Variants in KCNU1 observed in about 807,000 individuals in gnomAD.
KCNU1 encodes potassium channel subfamily U member 1.
KCNU1 carries 93 observed loss-of-function variants against 126.8 expected under a neutral mutation model. That is an observed-to-expected ratio of 0.73 (90% CI 0.62 to 0.87). The LOEUF (loss-of-function observed/expected upper bound fraction) is 0.87, where lower values mean the gene tolerates loss of function less well. Among genes scored for constraint, KCNU1 ranks in the 40% least tolerant of loss-of-function variants. The pLI is 0.00. For synonymous variants in KCNU1, 523 were observed against 494.2 expected (o/e 1.06, Z -0.77); for missense variants, 1,330 against 1,367.1 (o/e 0.97, Z 0.43).
chr8:36,837,896 G>T (rs1385157650), intron 14 of KCNU1, among the ~76,000 whole-genome samples: 2 of 145,154 alleles, frequency 1.4e-5, no homozygotes, highest in Non-Finnish European at 3.1e-5. Context: ...ACCTCTCTTT[G>T]CTCGCTCTTT....
In KCNU1 at chr8:36,935,769, C is replaced by T. The variant is rs746125303; in HGVS notation, c.3299C>T (p.Ser1100Phe). 1 of 1,613,486 alleles carries T rather than the reference C, an allele frequency of 6.2e-7. No homozygotes were observed. The highest frequency in any genetic ancestry group is 1.7e-5 in the Admixed American group (1 of 59,958). ...YSYQPRTNSL[S>F]FPKQIAWNQS... ...TACCAGCCGAGAACTAACTCCCTCT[C>T]TTTTCCTAAGCAAATAGCATGGAAT... The change falls in exon 27 of 27, where the codon TCT becomes TTT. Residue 1100 changes from serine to phenylalanine, a missense_variant. Around this residue, in one of 3 missense-constraint regions of KCNU1, gnomAD observed 1,054 missense variants for 1,053.9 expected, o/e 1.00. Coordinates refer to ENST00000399881, the MANE Select transcript of KCNU1 (RefSeq NM_001031836.3).
intron 10 of KCNU1, among the ~76,000 whole-genome samples, chr8:36,831,977 A>G (rs1341628931): frequency 6.6e-6 from 1 of 152,200 alleles, no homozygotes. Flanking sequence ...CTTTCTACAT[A>G]TGGCTAGCCA....
At chr8:36,845,284 G>A (rs540777861) in intron 16 of KCNU1, among the ~76,000 whole-genome samples, 1 of 152,294 alleles carries the variant, frequency 6.6e-6, no homozygotes, top group South Asian at 2.1e-4. Context: ...CACCTGAGTT[G>A]GTCGGACCAT....
chr8:36,786,006 A>G (rs561000303), intron 1 of KCNU1, among the ~76,000 whole-genome samples: 1 of 152,202 alleles, frequency 6.6e-6, no homozygotes, highest in Admixed American at 6.5e-5. Flanking sequence ...TTGAATCTTG[A>G]GGAAAGAGTT....
intron 1 of KCNU1, among the ~76,000 whole-genome samples, chr8:36,785,782 G>A (rs1802691198): frequency 6.6e-6 from 1 of 152,058 alleles, no homozygotes. Flanking sequence ...TTCTGCTCCA[G>A]GCAATGTTCT....
chr8:36,884,758 A>C (rs893428916), intron 19 of KCNU1, among the ~76,000 whole-genome samples: 2 of 152,042 alleles, frequency 1.3e-5, no homozygotes, highest in Non-Finnish European at 2.9e-5. Context: ...AAAAATAAAA[A>C]ATAAAAATAA....
chr8:36,877,759 A>C (rs2117385728), intron 19 of KCNU1, among the ~76,000 whole-genome samples: 1 of 152,324 alleles, frequency 6.6e-6, no homozygotes, highest in Middle Eastern at 3.4e-3. Context: ...AAAAAATGAA[A>C]ATGTGAAATA....
intron 19 of KCNU1, among the ~76,000 whole-genome samples, chr8:36,892,091 T>C (rs1806984182): frequency 6.6e-6 from 1 of 152,160 alleles, no homozygotes; most frequent in Non-Finnish European, 1.5e-5. Flanking sequence ...ATTTTGTGTA[T>C]GTTGATACAC....
intron 19 of KCNU1, among the ~76,000 whole-genome samples, chr8:36,905,159 G>C (rs1023576516): frequency 3.3e-5 from 5 of 152,130 alleles, no homozygotes; most frequent in Non-Finnish European, 4.4e-5. Flanking sequence ...CTTAGATCAA[G>C]ATCAGAGCAA....
At chr8:36,886,127 T>C (rs1358370833) in intron 19 of KCNU1, among the ~76,000 whole-genome samples, 1 of 152,164 alleles carries the variant, frequency 6.6e-6, no homozygotes, top group Non-Finnish European at 1.5e-5. Flanking sequence ...AAGGAACAGA[T>C]TATTCAAGAA....
In KCNU1 at chr8:36,808,204, GC is replaced by G. The variant is rs551825705; in HGVS notation, c.657-510del. On this transcript the variant is annotated intron_variant, in intron 6 of 26. Coordinates refer to ENST00000399881, the MANE Select transcript of KCNU1 (RefSeq NM_001031836.3). ...CTAGGGCTCTCCTTAGGTGACAAGGGCCCCTCTGATCTTTCTTCACTTAAAG... is the reference window on the plus strand; with the variant it reads ...CTAGGGCTCTCCTTAGGTGACAAGGGCCCTCTGATCTTTCTTCACTTAAAG... 2.2e-3 allele frequency among the ~76,000 whole-genome samples: 336 copies of G among 152,202 alleles called. 1 individual carries two copies. The highest frequency in any genetic ancestry group is 7.7e-3 in the African/African-American group (318 of 41,540).
At chr8:36,858,246 A>G (rs892305499) in intron 18 of KCNU1, among the ~76,000 whole-genome samples, 1 of 151,730 alleles carries the variant, frequency 6.6e-6, no homozygotes, top group Non-Finnish European at 1.5e-5. Context: ...ACATACTGAA[A>G]TCCCTATTTC....
chr8:36,800,295 CCCCA>C (rs1803255690), intron 2 of KCNU1, among the ~76,000 whole-genome samples: 1 of 152,098 alleles, frequency 6.6e-6, no homozygotes, highest in South Asian at 2.1e-4. Context: ...TCTGAAGACC[CCCCA>C]CAACTATCCT....
intron 24 of KCNU1, 23 bp from the exon 25 acceptor site, chr8:36,930,928 T>C (rs373188384): frequency 1.5e-5 from 24 of 1,567,406 alleles, no homozygotes; most frequent in Non-Finnish European, 2.1e-5. Flanking sequence ...TGACTTTGCA[T>C]GTGGCTTGTC....
chr8:36,876,716 A>AT (rs973115966), intron 19 of KCNU1, among the ~76,000 whole-genome samples: 1 of 152,012 alleles, frequency 6.6e-6, no homozygotes, highest in African/African-American at 2.4e-5. Context: ...TGGTTCTGGT[A>AT]TTTTTTCAAG....
chr8:36,922,338 A>C (rs542344648), intron 23 of KCNU1, among the ~76,000 whole-genome samples, 152 bp from the exon 24 acceptor site: 1 of 152,154 alleles, frequency 6.6e-6, no homozygotes, highest in Non-Finnish European at 1.5e-5. Flanking sequence ...AAGAAAAAAA[A>C]AATGTACTGA....
chr8:36,807,448 C>A lies in KCNU1; in HGVS notation c.654C>A (p.Thr218=). The stretch of plus-strand genomic sequence containing the variant: ...TGCAAATTCTACGAGCCATCAAGAC[C>A]AGGTAAATAGCCCTGACCGAAGTAC... The part of the protein sequence containing the change: ...QILQILRAIK[T]SNSVKFSKLL... Residue 218 remains threonine, a splice_region_variant and synonymous_variant, in exon 6 of 27, where the codon ACC becomes ACA. Transcript: ENST00000399881. The A allele has an allele frequency of 6.2e-7, 1 of 1,609,528 alleles. No homozygotes were observed. Among genetic ancestry groups the A allele is most frequent in the Non-Finnish European group, 8.5e-7 (1 of 1,175,956 alleles).
At chr8:36,804,580 C>G (rs190825512) in intron 3 of KCNU1, among the ~76,000 whole-genome samples, 1 of 152,274 alleles carries the variant, frequency 6.6e-6, no homozygotes, top group Admixed American at 6.5e-5. Flanking sequence ...AGCATCCCCT[C>G]CTTATTTTTC....
chr8:36,790,496 G>T (rs564579220), intron 2 of KCNU1, among the ~76,000 whole-genome samples: 2 of 151,432 alleles, frequency 1.3e-5, no homozygotes, highest in East Asian at 3.9e-4. Flanking sequence ...AAAGGAAAAA[G>T]TACAACTATA....
Sources: allele counts gnomAD v4.1 joint callset (sites outside exome capture counted in the v4.1 genomes callset), GRCh38; gene constraint gnomAD v4.1.1; regional missense constraint gnomAD v4.1.1; transcripts MANE v1.5; gene names NCBI Gene and HGNC (gene_info 2026-07-23, HGNC 2026-07-21).